Variants in TNRC6C observed in about 807,000 individuals in gnomAD.
TNRC6C encodes the protein trinucleotide repeat-containing gene 6C protein.
In TNRC6C, 20 loss-of-function variants were observed where a neutral mutation model predicts 153.7. The ratio of observed to expected loss-of-function variants is 0.13; its 90% CI spans 0.09 to 0.19. The LOEUF (loss-of-function observed/expected upper bound fraction) is 0.19, where lower values mean the gene tolerates loss of function less well. TNRC6C is among the 10% of genes least tolerant of loss of function. TNRC6C has a pLI of 1.00. For missense variants in TNRC6C, 1,987 were observed against 2,172.0 expected (o/e 0.91, Z 1.69); for synonymous variants, 811 against 841.4 (o/e 0.96, Z 0.63).
intron 16 of TNRC6C, among the ~76,000 whole-genome samples, chr17:78,094,843 C>T (rs999589063): frequency 6.6e-5 from 10 of 152,198 alleles, no homozygotes; most frequent in South Asian, 2.1e-4. Context: ...GCTGTGTATT[C>T]CTTGGGGTTA....
intron 3 of TNRC6C, 21 bp from the exon 6 acceptor site, chr17:78,064,701 A>G: frequency 6.2e-7 from 1 of 1,609,354 alleles, no homozygotes; most frequent in Non-Finnish European, 8.5e-7. Context: ...TATTTTCTCT[A>G]CCCCTTGGAA....
chr17:78,089,541 A>G (rs2073358239), intron 13 of TNRC6C, among the ~76,000 whole-genome samples: 2 of 152,142 alleles, frequency 1.3e-5, no homozygotes, highest in African/African-American at 4.8e-5. Context: ...CCAGCAGCCC[A>G]TGGTCAGTAG....
intron 2 of TNRC6C, among the ~76,000 whole-genome samples, chr17:78,047,268 A>G (rs1415853274): frequency 6.6e-6 from 1 of 152,206 alleles, no homozygotes; most frequent in African/African-American, 2.4e-5. Context: ...GATAGTTTTT[A>G]GAGTATGTGC....
chr17:78,006,557 T>TC (rs2071512965), intron 1 of TNRC6C, among the ~76,000 whole-genome samples: 3 of 138,680 alleles, frequency 2.2e-5, no homozygotes, highest in African/African-American at 5.4e-5. Context: ...TTCTTCTTCT[T>TC]CTTCCTTCTT....
At position 78,104,099 on chromosome 17, in the gene TNRC6C, C is replaced by T. The variant is rs2073646109; in HGVS notation, c.4713-386C>T. 6.6e-6 allele frequency among the ~76,000 whole-genome samples: 1 copy of T among 152,222 alleles called. No homozygotes were observed. The highest frequency in any genetic ancestry group is 1.5e-5 in the Non-Finnish European group (1 of 68,048). ...ACACAGGGCCCAGCAGTGGTCCTCACAGCCAACCCTTCACCCTAGTGAAAG... is the reference window on the plus strand; with the variant it reads ...ACACAGGGCCCAGCAGTGGTCCTCATAGCCAACCCTTCACCCTAGTGAAAG... On this transcript the variant is annotated intron_variant, in intron 19 of 19. Transcript: ENST00000301624. This position sits in a 1 kb window ranked among gnomAD's most constrained non-coding sequence, Gnocchi z 6.2.
chr17:78,002,085 T>G (rs975648978), upstream of TNRC6C, among the ~76,000 whole-genome samples: 1 of 149,124 alleles, frequency 6.7e-6, no homozygotes, highest in Admixed American at 6.7e-5. Flanking sequence ...GATACATTTG[T>G]TTTTTTTTTC....
chr17:78,014,703 C>T (rs1403868357), intron 1 of TNRC6C, among the ~76,000 whole-genome samples: 3 of 150,650 alleles, frequency 2.0e-5, no homozygotes, highest in Non-Finnish European at 4.4e-5. Context: ...TAGAAAATAC[C>T]TCTGAACGGC....
At chr17:78,060,045 C>T (rs1225755543) in intron 3 of TNRC6C, among the ~76,000 whole-genome samples, 3 of 152,098 alleles carry the variant, frequency 2.0e-5, no homozygotes, top group African/African-American at 7.2e-5. Context: ...TACTGTGCAG[C>T]TCAAGGCCCG....
At chr17:78,059,777 G>A (rs1440678119) in intron 3 of TNRC6C, among the ~76,000 whole-genome samples, 1 of 151,306 alleles carries the variant, frequency 6.6e-6, no homozygotes, top group African/African-American at 2.4e-5. Flanking sequence ...AGAGCCCAGG[G>A]AGGTGAAGGC....
At chr17:78,046,281 G>A (rs1025694968) in intron 2 of TNRC6C, among the ~76,000 whole-genome samples, 5 of 151,334 alleles carry the variant, frequency 3.3e-5, no homozygotes, top group Admixed American at 6.6e-5. Flanking sequence ...TCTTGGGTTC[G>A]AGTGATACTC....
At chr17:78,093,699 C>T (rs1406163489) in exon 16 of TNRC6C, 18 of 1,613,882 alleles carry the variant, frequency 1.1e-5, no homozygotes, top group Admixed American at 1.0e-4. Context: ...CTGGCAGTGT[C>T]CCCACTGGGC....
rs748449469 is a variant in TNRC6C, at chr17:78,104,522, G to A, written c.4750G>A (p.Ala1584Thr). The A allele has an allele frequency of 1.6e-5, 24 of 1,529,372 alleles. No individual in the cohort carries two copies. The highest frequency in any genetic ancestry group is 2.0e-5 in the Admixed American group (1 of 50,618). 94.7% of individuals were successfully genotyped at this position (1,529,372 alleles called of 1,614,324 possible). Residue 1584 changes from alanine (A) to threonine (T), a missense_variant, in exon 20 of 20, where the codon GCT becomes ACT. This residue lies in a region of TNRC6C where 31 missense variants were observed against 97.9 expected (regional missense o/e 0.32). Transcript: ENST00000301624. The surrounding 1 kb of genome is among the most constrained non-coding windows in gnomAD (Gnocchi z 6.2). ...AAACACTACCATCCTGGCCGAGTTC[G>A]CTGGTGAAGAAGAAGTGAATCGCTT...
At chr17:78,035,004 A>T (rs147001638) in intron 2 of TNRC6C, among the ~76,000 whole-genome samples, 1 of 152,248 alleles carries the variant, frequency 6.6e-6, no homozygotes, top group African/African-American at 2.4e-5. Context: ...GAATGGGAAA[A>T]TCTCTGAACC....
At chr17:78,097,719 G>C (rs1270499996) in intron 16 of TNRC6C, 26 bp from the exon 19 acceptor site, 1 of 1,508,778 alleles carries the variant, frequency 6.6e-7, no homozygotes, top group African/African-American at 1.4e-5. Flanking sequence ...CCACCACCTT[G>C]CTCAGTGCCG....
chr17:78,006,873 G>A (rs118172956), intron 1 of TNRC6C, among the ~76,000 whole-genome samples: 2,200 of 148,058 alleles, frequency 0.015, 30 homozygotes, highest in Middle Eastern at 0.025. Context: ...CGCCCAGGCT[G>A]GGTGGAGTAC....
chr17:77,963,551 G>C (rs1567892175), intron 1 of TNRC6C, among the ~76,000 whole-genome samples: 4 of 152,176 alleles, frequency 2.6e-5, no homozygotes, highest in Admixed American at 2.6e-4. Context: ...CAGGAATGGA[G>C]AGCTGTTTGT....
intron 1 of TNRC6C, among the ~76,000 whole-genome samples, chr17:77,984,801 T>G (rs2071136875): frequency 6.6e-6 from 1 of 152,012 alleles, no homozygotes; most frequent in Non-Finnish European, 1.5e-5. Context: ...TGGAGGGATC[T>G]TCCTCTGAGT....
intron 13 of TNRC6C, among the ~76,000 whole-genome samples, chr17:78,090,953 C>G (rs2073383054): frequency 6.6e-6 from 1 of 152,108 alleles, no homozygotes; most frequent in African/African-American, 2.4e-5. Flanking sequence ...CGTAAGATAT[C>G]CCAAAACAAA....
Position 77,967,698 on chromosome 17 carries a change from A to G in TNRC6C, c.-38+8430A>G, listed in dbSNP as rs923861155. Reference sequence around the variant, plus strand: ...CAATGTGTGACGCTTCTCATGCACAACAAAATTGTAGGTATGATAGATCAA... The same window carrying G: ...CAATGTGTGACGCTTCTCATGCACAGCAAAATTGTAGGTATGATAGATCAA... On this transcript the variant is annotated intron_variant, in intron 1 of 22. Coordinates refer to the TNRC6C transcript ENST00000636222. Among the ~76,000 whole-genome samples, 9 of 152,348 alleles carry G rather than the reference A, an allele frequency of 5.9e-5. No individual in the cohort carries two copies. The South Asian group carries it at 8.3e-4, about 14-fold the overall frequency.
Sources: allele counts gnomAD v4.1 joint callset (sites outside exome capture counted in the v4.1 genomes callset), GRCh38; gene constraint gnomAD v4.1.1; regional missense constraint gnomAD v4.1.1; non-coding constraint Gnocchi (gnomAD v3.1); transcripts MANE v1.5; gene names NCBI Gene and HGNC (gene_info 2026-07-23, HGNC 2026-07-21).